The following RHOBTB3 variants were observed in gnomAD, a reference collection of about 807,000 sequenced individuals.
RHOBTB3 encodes Rho related BTB domain containing 3, also known as rho-related BTB domain-containing protein 3.
In RHOBTB3, 47 loss-of-function variants were observed where a neutral mutation model predicts 67.2. The observed-to-expected ratio is 0.70, with a 90% confidence interval of 0.55 to 0.89. The LOEUF (loss-of-function observed/expected upper bound fraction) is 0.89, where lower values mean the gene tolerates loss of function less well. Ranked by LOEUF, RHOBTB3 falls within the 40% of genes least tolerant of loss-of-function variation. The pLI is 0.00. For synonymous variants in RHOBTB3, 273 were observed against 274.2 expected, an observed-to-expected ratio of 1.00 and a Z score of 0.04; for missense variants, 631 against 750.0, an observed-to-expected ratio of 0.84 and a Z score of 1.85.
At chr5:95,734,420 A>G (rs1413982103) in intron 2 of RHOBTB3, among the ~76,000 whole-genome samples, 2 of 152,192 alleles carry the variant, frequency 1.3e-5, no homozygotes, top group African/African-American at 4.8e-5. Context: ...TCATAATTCT[A>G]GAAATCTTTG....
chr5:95,743,685 C>G (rs1755664309), intron 3 of RHOBTB3, among the ~76,000 whole-genome samples: 1 of 140,820 alleles, frequency 7.1e-6, no homozygotes, highest in South Asian at 2.6e-4. Context: ...CCTCTTCCCT[C>G]CTTCCCTCCC....
At chr5:95,780,188 A>G (rs1746005437) in intron 8 of RHOBTB3, 64 bp from the exon 9 acceptor site, 1 of 1,405,856 alleles carries the variant, frequency 7.1e-7, no homozygotes, top group Non-Finnish European at 9.8e-7. Context: ...TTAGAAGGAA[A>G]ATTGCTGGAA....
At position 95,759,304 on chromosome 5, in the gene RHOBTB3, T is replaced by C. The variant is rs186508720; in HGVS notation, c.1048+3543T>C. On this transcript the variant is annotated intron_variant, in intron 6 of 11. Transcript: ENST00000379982. Reference sequence around the variant, plus strand: ...GGCCATTGACCCGGGGCTGCAGAGATCCAGATGCTGGTTAAGGAAAAGGGA... The same window carrying C: ...GGCCATTGACCCGGGGCTGCAGAGACCCAGATGCTGGTTAAGGAAAAGGGA... Among the ~76,000 whole-genome samples the C allele has an allele frequency of 5.4e-3, 817 of 152,352 alleles. 11 individuals carry two copies. The highest frequency in any genetic ancestry group is 7.9e-3 in the Non-Finnish European group (540 of 68,026).
intron 6 of RHOBTB3, among the ~76,000 whole-genome samples, chr5:95,761,339 CTTTTTTTTT>C (rs766063568): frequency 7.9e-6 from 1 of 125,812 alleles, no homozygotes; most frequent in Non-Finnish European, 1.7e-5. Flanking sequence ...CCTTTTTCCT[CTTTTTTTTT>C]TTTTTTTTTT....
At chr5:95,738,174 G>T (rs1170046158) in intron 3 of RHOBTB3, among the ~76,000 whole-genome samples, 1 of 152,066 alleles carries the variant, frequency 6.6e-6, no homozygotes, top group Non-Finnish European at 1.5e-5. Context: ...TGGGTCAGAG[G>T]GCAGGTATAT....
intron 3 of RHOBTB3, among the ~76,000 whole-genome samples, chr5:95,737,731 G>C (rs1755487548): frequency 6.6e-6 from 1 of 152,134 alleles, no homozygotes; most frequent in East Asian, 1.9e-4. Context: ...TTAAATTGAG[G>C]TATTGCGAAG....
intron 8 of RHOBTB3, chr5:95,769,610 G>A (rs182027662): frequency 6.0e-6 from 1 of 166,534 alleles, no homozygotes; most frequent in Non-Finnish European, 1.3e-5. Flanking sequence ...AACACTGAAT[G>A]GTGCGTTAGA....
intron 9 of RHOBTB3, among the ~76,000 whole-genome samples, chr5:95,780,806 G>A (rs1001522076): frequency 5.3e-5 from 8 of 152,136 alleles, no homozygotes; most frequent in African/African-American, 1.7e-4. Context: ...GGAGGGTTGC[G>A]CAACTGCTTT....
intron 10 of RHOBTB3, among the ~76,000 whole-genome samples, chr5:95,787,802 T>A (rs1050842650): frequency 6.6e-6 from 1 of 152,174 alleles, no homozygotes. Flanking sequence ...AATAGTGAAA[T>A]TCATAGAGAC....
intron 8 of RHOBTB3, 98 bp downstream of exon 8, chr5:95,768,264 G>A: frequency 8.6e-7 from 1 of 1,164,592 alleles, no homozygotes; most frequent in Non-Finnish European, 1.2e-6. Flanking sequence ...GTGAAGGAAT[G>A]ATTATTCCCT....
chr5:95,731,251 T>A, upstream of RHOBTB3: 1 of 1,005,898 alleles, frequency 9.9e-7, no homozygotes, highest in Non-Finnish European at 1.2e-6. Context: ...TGGCACGTGC[T>A]GCGCCCGGTC....
At position 95,736,948 on chromosome 5, in the gene RHOBTB3, T is replaced by A. The variant is rs1310878212; in HGVS notation, c.288T>A (p.Ile96=). ...SRNLIGGADI[I]VIKYNVNDKF... ...ATCTAATTGGGGGCGCTGACATCAT[T>A]GTGATCAAATACAACGTTAATGACA... The change falls in exon 3 of 12, where the codon ATT becomes ATA. Residue 96 remains isoleucine (I), a synonymous_variant. Transcript: ENST00000379982. The A allele has an allele frequency of 1.9e-6, 3 of 1,612,914 alleles. No homozygotes were observed. In the Admixed American group the frequency reaches 5.0e-5, roughly 27 times the overall value.
At position 95,731,475 on chromosome 5, in the gene RHOBTB3, G is replaced by A; in HGVS notation, c.-208G>A. ...CCTGAGTAGCGGCAGCTTATCCCCCGCCCGCTAGCCCGCCCTGGTCCCCGG... is the reference window on the plus strand; with the variant it reads ...CCTGAGTAGCGGCAGCTTATCCCCCACCCGCTAGCCCGCCCTGGTCCCCGG... On this transcript the variant is annotated 5_prime_UTR_variant, in exon 1 of 12. Coordinates refer to ENST00000379982, the MANE Select transcript of RHOBTB3 (RefSeq NM_014899.4). The A allele has an allele frequency of 8.2e-7, 1 of 1,221,784 alleles. No homozygotes were observed. The highest frequency in any genetic ancestry group is 1.0e-6 in the Non-Finnish European group (1 of 984,604). 75.7% of individuals were successfully genotyped at this position (1,221,784 alleles called of 1,614,324 possible). A position where few individuals can be genotyped will look rare whatever the true frequency, so the allele number is the denominator to read the frequency against.
chr5:95,786,759 A>G (rs957012769), intron 10 of RHOBTB3, among the ~76,000 whole-genome samples: 1 of 152,002 alleles, frequency 6.6e-6, no homozygotes, highest in Admixed American at 6.5e-5. Flanking sequence ...GTTCTATTGC[A>G]TTTGGTTTAT....
intron 4 of RHOBTB3, among the ~76,000 whole-genome samples, chr5:95,749,174 CTAAGAAGCA>C (rs746332472): frequency 2.6e-5 from 4 of 152,228 alleles, no homozygotes; most frequent in Non-Finnish European, 4.4e-5. Context: ...TTCCAAACCT[CTAAGAAGCA>C]ACTCCTCTCA....
intron 10 of RHOBTB3, among the ~76,000 whole-genome samples, 180 bp downstream of exon 10, chr5:95,784,143 G>A (rs1746150485): frequency 6.6e-6 from 1 of 152,164 alleles, no homozygotes; most frequent in South Asian, 2.1e-4. Flanking sequence ...GAAGCGTTAG[G>A]GTTTGTGTGC....
At chr5:95,753,772 G>A (rs1452162112) in intron 5 of RHOBTB3, among the ~76,000 whole-genome samples, 2 of 152,090 alleles carry the variant, frequency 1.3e-5, no homozygotes, top group African/African-American at 4.8e-5. Context: ...AAATATACCA[G>A]ATCCTCAGAG....
At chr5:95,759,848 T>G (rs1745347320) in intron 6 of RHOBTB3, among the ~76,000 whole-genome samples, 1 of 152,164 alleles carries the variant, frequency 6.6e-6, no homozygotes, top group Non-Finnish European at 1.5e-5. Flanking sequence ...TCAGATGGGT[T>G]GGTAAAGCAG....
intron 10 of RHOBTB3, among the ~76,000 whole-genome samples, chr5:95,785,627 T>C (rs534225943): frequency 1.3e-5 from 2 of 152,302 alleles, no homozygotes; most frequent in East Asian, 3.9e-4. Context: ...CACTGATCTC[T>C]TTTTGTAAAA....
Sources: gnomAD v4.1 joint callset for allele counts (sites outside exome capture counted in the v4.1 genomes callset) on GRCh38, gnomAD v4.1.1 for gene constraint, MANE v1.5 for transcripts, NCBI Gene and HGNC (gene_info 2026-07-23, HGNC 2026-07-21) for gene names.